ZDHHC14: variants seen among roughly 807,000 people sequenced by gnomAD.
The protein encoded by ZDHHC14 is zDHHC palmitoyltransferase 14, also known as palmitoyltransferase ZDHHC14.
Under a neutral mutation model 47.7 loss-of-function variants are expected in ZDHHC14, and 16 were observed. The observed-to-expected ratio is 0.34, with a 90% CI of 0.23 to 0.51. ZDHHC14 has a LOEUF of 0.51. Among genes scored for constraint, ZDHHC14 ranks in the 20% least tolerant of loss-of-function variants. ZDHHC14 has a pLI of 0.97. For synonymous variants in ZDHHC14, 293 were observed against 278.9 expected, an observed-to-expected ratio of 1.05 and a Z score of -0.50; for missense variants, 515 against 662.5, an observed-to-expected ratio of 0.78 and a Z score of 2.44.
In ZDHHC14 at chr6:157,540,229, G is replaced by A. The variant is rs564378458; in HGVS notation, c.246-2356G>A. Among the ~76,000 whole-genome samples, 12 of 152,288 alleles carry A rather than the reference G, an allele frequency of 7.9e-5. No homozygotes were observed. In the South Asian group the frequency reaches 2.1e-3, roughly 26 times the overall value. On this transcript the variant is annotated intron_variant, in intron 1 of 8. Transcript: ENST00000359775. ...GTGTGGCAGGGGACATCCTGGTTAG[G>A]GGGTGGAGGTGATGAGAGGCCGCAG...
At chr6:157,590,550 G>GA (rs779563519) in intron 2 of ZDHHC14, among the ~76,000 whole-genome samples, 3 of 152,228 alleles carry the variant, frequency 2.0e-5, no homozygotes, top group Non-Finnish European at 4.4e-5. Context: ...TGAGGTTTGG[G>GA]AATCTCCACC....
chr6:157,612,902 G>A (rs1784807418), intron 3 of ZDHHC14, among the ~76,000 whole-genome samples: 1 of 150,246 alleles, frequency 6.7e-6, no homozygotes, highest in Admixed American at 6.6e-5. Flanking sequence ...GTTCTCAACT[G>A]GGGGGAAAAA....
rs541247838 is a variant in ZDHHC14 at position 157,586,387 on chromosome 6, T to C, written c.407-6601T>C. On this transcript the variant is annotated intron_variant, in intron 2 of 8. Coordinates refer to ENST00000359775, the MANE Select transcript of ZDHHC14 (RefSeq NM_024630.3). This position sits in a 1 kb window ranked among gnomAD's most constrained non-coding sequence, Gnocchi z 4.6. ...GAGAGGGAATCCCGAGCAGAGAAAA[T>C]ATCACGTGCAAATGCCTGGAAGTAG... 3.3e-5 allele frequency among the ~76,000 whole-genome samples: 5 copies of C among 152,042 alleles called. No individual in the cohort carries two copies. Among genetic ancestry groups the C allele is most frequent in the African/African-American group, 1.2e-4 (5 of 41,456 alleles).
intron 2 of ZDHHC14, among the ~76,000 whole-genome samples, chr6:157,543,473 G>A (rs1276195385): frequency 6.6e-6 from 1 of 152,056 alleles, no homozygotes; most frequent in Admixed American, 6.5e-5. Context: ...GTGATGACTT[G>A]GTGTGAACAT....
intron 3 of ZDHHC14, among the ~76,000 whole-genome samples, chr6:157,603,561 G>C (rs1784419784): frequency 6.6e-6 from 1 of 152,136 alleles, no homozygotes; most frequent in Admixed American, 6.5e-5. Context: ...CGAGTATAAA[G>C]TGAGCTGATG....
At chr6:157,549,486 C>T (rs1207276717) in intron 2 of ZDHHC14, among the ~76,000 whole-genome samples, 1 of 152,120 alleles carries the variant, frequency 6.6e-6, no homozygotes, top group African/African-American at 2.4e-5. Context: ...CTGGAAGAGA[C>T]AAAGGCTTCT....
intron 8 of ZDHHC14, among the ~76,000 whole-genome samples, chr6:157,669,250 G>T (rs1434966029): frequency 6.6e-6 from 1 of 152,036 alleles, no homozygotes; most frequent in Non-Finnish European, 1.5e-5. Flanking sequence ...GGCTTAGGTG[G>T]CAGAGAGGTG....
At chr6:157,406,370 C>T (rs1207468934) in intron 1 of ZDHHC14, among the ~76,000 whole-genome samples, 3 of 152,242 alleles carry the variant, frequency 2.0e-5, no homozygotes, top group African/African-American at 7.2e-5. Flanking sequence ...TCATAATTCT[C>T]AGATTGAGGT....
intron 2 of ZDHHC14, among the ~76,000 whole-genome samples, chr6:157,560,624 A>G (rs1050442749): frequency 6.6e-6 from 1 of 152,210 alleles, no homozygotes; most frequent in Non-Finnish European, 1.5e-5. Context: ...GATATTCCCT[A>G]TGATGAGCAT....
intron 1 of ZDHHC14, among the ~76,000 whole-genome samples, chr6:157,446,785 T>A (rs1263276159): frequency 6.6e-6 from 1 of 152,208 alleles, no homozygotes; most frequent in Non-Finnish European, 1.5e-5. Context: ...AGTTATATGC[T>A]GATGTATGCA....
rs34423639 is a variant in ZDHHC14, at chr6:157,528,512, A to G, written c.246-14073A>G. Among the ~76,000 whole-genome samples the G allele has an allele frequency of 9.6e-3, 1,459 of 152,132 alleles. 44 individuals carry two copies. Among genetic ancestry groups the G allele is most frequent in the East Asian group, 0.085 (436 of 5,146 alleles). On this transcript the variant is annotated intron_variant, in intron 1 of 8. Transcript: ENST00000359775. ...TTTGGGAGGCTGAGGCGGGCAGATC[A>G]CGAGGTCAGGAGATCGAGACCATCC...
intron 1 of ZDHHC14, among the ~76,000 whole-genome samples, chr6:157,403,877 G>A (rs1261435713): frequency 1.3e-5 from 2 of 152,230 alleles, no homozygotes; most frequent in East Asian, 1.9e-4. Flanking sequence ...GACCCACTGC[G>A]GCTGCTGCTA....
intron 5 of ZDHHC14, among the ~76,000 whole-genome samples, chr6:157,633,494 A>G (rs1455867824): frequency 2.0e-5 from 3 of 152,150 alleles, no homozygotes; most frequent in Non-Finnish European, 2.9e-5. Context: ...GCGTGTGCCC[A>G]TTAAGTGCTT....
chr6:157,660,870 G>A (rs1392283756), intron 8 of ZDHHC14, among the ~76,000 whole-genome samples: 2 of 152,166 alleles, frequency 1.3e-5, no homozygotes, highest in African/African-American at 4.8e-5. Flanking sequence ...AAAAACCTTA[G>A]GTCAGTTTCA....
At chr6:157,382,383 A>C in intron 1 of ZDHHC14, 117 bp downstream of exon 1, 2 of 1,223,598 alleles carry the variant, frequency 1.6e-6, no homozygotes, top group Non-Finnish European at 2.3e-6. Flanking sequence ...TTGTTATATA[A>C]TGCCAGTCTG....
chr6:157,642,484 C>T (rs577065657), intron 5 of ZDHHC14, among the ~76,000 whole-genome samples: 10 of 152,262 alleles, frequency 6.6e-5, no homozygotes, highest in African/African-American at 1.7e-4. Context: ...ATTCCACAAA[C>T]GTTTAGTGAG....
At chr6:157,599,459 T>C (rs1784260661) in intron 3 of ZDHHC14, among the ~76,000 whole-genome samples, 1 of 152,164 alleles carries the variant, frequency 6.6e-6, no homozygotes, top group Non-Finnish European at 1.5e-5. Flanking sequence ...CTGTTTTGTT[T>C]CCACGCCCAA....
intron 5 of ZDHHC14, 51 bp from the exon 6 acceptor site, chr6:157,645,686 C>G (rs757169432): frequency 6.7e-7 from 1 of 1,487,726 alleles, no homozygotes; most frequent in Non-Finnish European, 9.3e-7. Flanking sequence ...TCCATCACAT[C>G]CACTTCTTGC....
intron 2 of ZDHHC14, among the ~76,000 whole-genome samples, chr6:157,568,467 C>G (rs1005489562): frequency 6.6e-6 from 1 of 151,672 alleles, no homozygotes; most frequent in Admixed American, 6.6e-5. Context: ...TATACTTGAA[C>G]CTTTCTTCAC....
Sources: allele counts gnomAD v4.1 joint callset (sites outside exome capture counted in the v4.1 genomes callset), GRCh38; gene constraint gnomAD v4.1.1; non-coding constraint Gnocchi (gnomAD v3.1); transcripts MANE v1.5; gene names NCBI Gene and HGNC (gene_info 2026-07-23, HGNC 2026-07-21).